Variants in CHN2 observed in about 807,000 individuals in gnomAD.
The protein encoded by CHN2 is beta-chimaerin.
In CHN2, 35 loss-of-function variants were observed where a neutral mutation model predicts 56.3. The observed-to-expected ratio is 0.62, with a 90% CI of 0.47 to 0.82. CHN2 has a LOEUF of 0.82. Ranked by LOEUF, CHN2 falls within the 40% of genes least tolerant of loss-of-function variation. The pLI is 0.00. For missense variants in CHN2, 491 were observed against 580.5 expected, an observed-to-expected ratio of 0.85 and a Z score of 1.58; for synonymous variants, 210 against 212.8, an observed-to-expected ratio of 0.99 and a Z score of 0.12.
At chr7:29,456,869 A>G (rs181942340) in intron 6 of CHN2, among the ~76,000 whole-genome samples, 141 of 152,136 alleles carry the variant, frequency 9.3e-4, no homozygotes, top group Middle Eastern at 3.4e-3. Context: ...TGCAGCCTGC[A>G]CTTTGTCTCC....
chr7:29,282,605 A>G (rs1467179041), intron 1 of CHN2, among the ~76,000 whole-genome samples: 1 of 152,258 alleles, frequency 6.6e-6, no homozygotes, highest in African/African-American at 2.4e-5. Flanking sequence ...CCAATGCTGA[A>G]TTATTTTGAA....
chr7:29,299,965 G>A (rs1222111587), intron 1 of CHN2, among the ~76,000 whole-genome samples: 2 of 152,162 alleles, frequency 1.3e-5, no homozygotes, highest in Non-Finnish European at 2.9e-5. Flanking sequence ...ATAACATAGA[G>A]TAAAAAACTG....
chr7:29,361,340 AT>A (rs1798713691), intron 2 of CHN2, among the ~76,000 whole-genome samples: 1 of 152,060 alleles, frequency 6.6e-6, no homozygotes. Flanking sequence ...ATTGGGCCTT[AT>A]TTTTATATGG....
At position 29,512,905 on chromosome 7, in the gene CHN2, C is replaced by G; in HGVS notation, c.*170C>G. 1.6e-6 allele frequency: 1 copy of G among 631,382 alleles called. No homozygotes were observed. The highest frequency in any genetic ancestry group is 2.6e-6 in the Non-Finnish European group (1 of 381,732). 39.1% of individuals were successfully genotyped at this position (631,382 alleles called of 1,614,324 possible). A position where few individuals can be genotyped will look rare whatever the true frequency, so the allele number is the denominator to read the frequency against. ...GTGTCTCATAGACATGCGCCACCTC[C>G]ACGTGAGAACAAGGGTGAAGGTGAG... On this transcript the variant is annotated 3_prime_UTR_variant, in exon 13 of 13. Transcript: ENST00000222792.
intron 6 of CHN2, among the ~76,000 whole-genome samples, chr7:29,408,725 G>T (rs1003347206): frequency 2.0e-5 from 3 of 152,196 alleles, no homozygotes; most frequent in African/African-American, 7.2e-5. Context: ...TCAGCTAGTG[G>T]TTTCTTTGGG....
intron 2 of CHN2, among the ~76,000 whole-genome samples, chr7:29,164,558 G>A (rs1389327905): frequency 6.6e-6 from 1 of 151,826 alleles, no homozygotes; most frequent in African/African-American, 2.4e-5. Context: ...GCTGAGGCGG[G>A]CAGATCATTT....
At chr7:29,252,579 T>TTTTTTTTG (rs1788674314) in intron 1 of CHN2, among the ~76,000 whole-genome samples, 1 of 10,304 alleles carries the variant, frequency 9.7e-5, no homozygotes, top group African/African-American at 1.5e-3. Context: ...GCATTCTTTG[T>TTTTTTTTG]TTTTTTTTTT....
chr7:29,506,896 A>T (rs1790628717), intron 10 of CHN2, among the ~76,000 whole-genome samples: 1 of 152,210 alleles, frequency 6.6e-6, no homozygotes, highest in African/African-American at 2.4e-5. Context: ...CTTGTTTCAG[A>T]TTAGATTGTC....
chr7:29,203,467 CAAAAAAAAAAAAA>C (rs11287820), intron 1 of CHN2, among the ~76,000 whole-genome samples: 2 of 55,582 alleles, frequency 3.6e-5, no homozygotes, highest in Non-Finnish European at 3.8e-5. Flanking sequence ...AACTCCGTCT[CAAAAAAAAAAAAA>C]AAAAAAAAAA....
chr7:29,365,585 T>C (rs1042004517), intron 2 of CHN2, among the ~76,000 whole-genome samples: 1 of 151,660 alleles, frequency 6.6e-6, no homozygotes, highest in South Asian at 2.1e-4. Context: ...TAACAAGAGG[T>C]AGAGAAGGAG....
At chr7:29,376,406 G>A (rs983842788) in intron 3 of CHN2, 1 of 152,204 alleles carries the variant, frequency 6.6e-6, no homozygotes, top group African/African-American at 2.4e-5. Context: ...ATCAATGGCT[G>A]GGCTTCTAAT....
At chr7:29,314,145 G>A (rs12700952) in intron 1 of CHN2, among the ~76,000 whole-genome samples, 45,302 of 152,130 alleles carry the variant, frequency 0.3, 6,898 homozygotes, top group East Asian at 0.34. Context: ...AAAAGTGGAA[G>A]TAATTCCAGT....
At chr7:29,167,942 G>C (rs1161953279) in intron 2 of CHN2, among the ~76,000 whole-genome samples, 1 of 152,166 alleles carries the variant, frequency 6.6e-6, no homozygotes, top group African/African-American at 2.4e-5. Flanking sequence ...TACAACATCG[G>C]AGGTAACTGT....
chr7:29,414,802 C>T (rs565486954), intron 6 of CHN2, among the ~76,000 whole-genome samples: 9 of 152,160 alleles, frequency 5.9e-5, no homozygotes, highest in Non-Finnish European at 1.3e-4. Flanking sequence ...AGCCTTTACA[C>T]AGCATCTTCC....
chr7:29,501,288 A>G (rs1789943293), intron 9 of CHN2, among the ~76,000 whole-genome samples: 1 of 152,184 alleles, frequency 6.6e-6, no homozygotes, highest in African/African-American at 2.4e-5. Flanking sequence ...TCTTTTCACC[A>G]CTGTGGCTGA....
chr7:29,415,650 C>T (rs1187441132), intron 6 of CHN2, among the ~76,000 whole-genome samples: 7 of 152,042 alleles, frequency 4.6e-5, no homozygotes, highest in African/African-American at 9.6e-5. Context: ...TGGAGATGGG[C>T]GGGCTTGGGA....
chr7:29,276,144 T>G (rs890645113), intron 1 of CHN2, among the ~76,000 whole-genome samples: 1 of 127,392 alleles, frequency 7.8e-6, no homozygotes, highest in Admixed American at 8.6e-5. Context: ...AATCATTGAC[T>G]TGAGATGGGA....
chr7:29,314,333 T>A (rs1220614637), intron 1 of CHN2, among the ~76,000 whole-genome samples: 3 of 152,152 alleles, frequency 2.0e-5, no homozygotes, highest in Admixed American at 6.5e-5. Flanking sequence ...CCTAGAGTAG[T>A]CAAATTCACA....
chr7:29,158,558 G>A (rs1289405242), intron 2 of CHN2, among the ~76,000 whole-genome samples: 1 of 151,948 alleles, frequency 6.6e-6, no homozygotes, highest in Non-Finnish European at 1.5e-5. Flanking sequence ...GTTTACCAGA[G>A]AGGAAAATAT....
Sources: allele counts gnomAD v4.1 joint callset (sites outside exome capture counted in the v4.1 genomes callset), GRCh38; gene constraint gnomAD v4.1.1; transcripts MANE v1.5; gene names NCBI Gene and HGNC (gene_info 2026-07-23, HGNC 2026-07-21).